Variants in CADM1 observed in about 807,000 individuals in gnomAD.
CADM1 encodes cell adhesion molecule 1, also known as TSLC-1.
CADM1 carries 15 observed loss-of-function variants against 53.1 expected under a neutral mutation model. That is an observed-to-expected ratio of 0.28 (90% CI 0.19 to 0.44). CADM1 has a LOEUF of 0.44. Among genes scored for constraint, CADM1 ranks in the 20% least tolerant of loss-of-function variants. The probability of loss-of-function intolerance (pLI) is 1.00; values close to 1 mark genes in which losing one functional copy is unlikely to be tolerated. For missense variants in CADM1, 434 were observed against 611.3 expected, an observed-to-expected ratio of 0.71 and a Z score of 3.06; for synonymous variants, 281 against 243.0, an observed-to-expected ratio of 1.16 and a Z score of -1.45.
At chr11:115,449,800 T>C (rs1948531879) in intron 1 of CADM1, among the ~76,000 whole-genome samples, 1 of 152,198 alleles carries the variant, frequency 6.6e-6, no homozygotes, top group Non-Finnish European at 1.5e-5. Flanking sequence ...GTTCCAAACA[T>C]TCTAGAGAGT....
At chr11:115,240,059 T>C (rs1942168364) in intron 2 of CADM1, among the ~76,000 whole-genome samples, 1 of 152,174 alleles carries the variant, frequency 6.6e-6, no homozygotes. Flanking sequence ...CAATTTCTAT[T>C]GCAAAGTAAG....
chr11:115,253,701 G>A (rs1942682003), intron 1 of CADM1, among the ~76,000 whole-genome samples: 3 of 152,120 alleles, frequency 2.0e-5, no homozygotes, highest in Admixed American at 2.0e-4. Context: ...CATCACAGCG[G>A]AAAACTGACC....
chr11:115,385,865 T>C (rs546416092), intron 1 of CADM1, among the ~76,000 whole-genome samples: 49 of 152,328 alleles, frequency 3.2e-4, no homozygotes, highest in African/African-American at 1.1e-3. Flanking sequence ...GTATAAAAAA[T>C]AGAAGCAAAG....
chr11:115,179,003 T>A (rs1939182174), intron 10 of CADM1: 1 of 562,730 alleles, frequency 1.8e-6, no homozygotes, highest in Non-Finnish European at 3.3e-6. Flanking sequence ...ATAGGAGGGT[T>A]AATGCATGTG....
At chr11:115,355,021 T>C (rs2135072604) in intron 1 of CADM1, among the ~76,000 whole-genome samples, 1 of 152,272 alleles carries the variant, frequency 6.6e-6, no homozygotes, top group African/African-American at 2.4e-5. Flanking sequence ...CTCTACATCT[T>C]GTAGAAGCTT....
At chr11:115,319,630 A>G (rs1944768794) in intron 1 of CADM1, among the ~76,000 whole-genome samples, 2 of 152,210 alleles carry the variant, frequency 1.3e-5, no homozygotes, top group Admixed American at 1.3e-4. Flanking sequence ...TCACGTAGTC[A>G]GAAACTGAAG....
chr11:115,425,914 G>A (rs557312840), intron 1 of CADM1, among the ~76,000 whole-genome samples: 47 of 152,262 alleles, frequency 3.1e-4, no homozygotes, highest in African/African-American at 1.1e-3. Context: ...TTCACCTGTG[G>A]GCTTCAAACA....
intron 1 of CADM1, among the ~76,000 whole-genome samples, chr11:115,277,639 T>C (rs890085111): frequency 6.6e-6 from 1 of 152,222 alleles, no homozygotes; most frequent in East Asian, 1.9e-4. Context: ...TTGGTTCACA[T>C]GAAGAAGGCT....
intron 1 of CADM1, among the ~76,000 whole-genome samples, chr11:115,368,831 T>C (rs1022938690): frequency 1.4e-4 from 22 of 152,026 alleles, no homozygotes; most frequent in African/African-American, 4.6e-4. Flanking sequence ...TCCAACATGA[T>C]AGCCACTAGC....
At chr11:115,244,068 T>A (rs1382556602) in intron 1 of CADM1, among the ~76,000 whole-genome samples, 1 of 152,212 alleles carries the variant, frequency 6.6e-6, no homozygotes, top group African/African-American at 2.4e-5. Flanking sequence ...AACTCCCCGA[T>A]TTGCCAGACG....
At chr11:115,187,224 A>G (rs907847729) in intron 10 of CADM1, among the ~76,000 whole-genome samples, 1 of 152,130 alleles carries the variant, frequency 6.6e-6, no homozygotes, top group Non-Finnish European at 1.5e-5. Flanking sequence ...TGTTTGCCAA[A>G]TCTGGGCCAC....
intron 1 of CADM1, among the ~76,000 whole-genome samples, chr11:115,412,367 T>A (rs868759602): frequency 6.6e-6 from 1 of 152,104 alleles, no homozygotes; most frequent in East Asian, 1.9e-4. Context: ...GCTAATTTTT[T>A]AAAATTTTTT....
chr11:115,258,280 G>A (rs1942859200), intron 1 of CADM1, among the ~76,000 whole-genome samples: 1 of 152,104 alleles, frequency 6.6e-6, no homozygotes, highest in Non-Finnish European at 1.5e-5. Flanking sequence ...TGATCTGCCA[G>A]CTGTGTTGTG....
chr11:115,389,267 T>C (rs1946775244), intron 1 of CADM1, among the ~76,000 whole-genome samples: 1 of 152,144 alleles, frequency 6.6e-6, no homozygotes, highest in Non-Finnish European at 1.5e-5. Context: ...TTCAGTAAGT[T>C]TGAAACGATT....
At chr11:115,392,037 C>T (rs1240291719) in intron 1 of CADM1, among the ~76,000 whole-genome samples, 1 of 152,134 alleles carries the variant, frequency 6.6e-6, no homozygotes, top group Non-Finnish European at 1.5e-5. Flanking sequence ...AGAAAAACAA[C>T]AAGTCGTTTC....
At chr11:115,318,141 A>G (rs17118245) in intron 1 of CADM1, among the ~76,000 whole-genome samples, 19,739 of 152,092 alleles carry the variant, frequency 0.13, 1,386 homozygotes, top group Middle Eastern at 0.17. Context: ...ATGAGTCTCT[A>G]TATCTAAACC....
At chr11:115,457,127 T>C (rs1948699219) in intron 1 of CADM1, among the ~76,000 whole-genome samples, 1 of 152,146 alleles carries the variant, frequency 6.6e-6, no homozygotes, top group Non-Finnish European at 1.5e-5. Context: ...TCCACAACCC[T>C]AAGAGGTGGC....
At chr11:115,424,324 TTTTCTTCATC>T (rs1326205595) in intron 1 of CADM1, among the ~76,000 whole-genome samples, 1 of 152,168 alleles carries the variant, frequency 6.6e-6, no homozygotes, top group African/African-American at 2.4e-5. Flanking sequence ...GTACTTGAAC[TTTTCTTCATC>T]TCTAGGATAA....
intron 1 of CADM1, among the ~76,000 whole-genome samples, chr11:115,319,492 A>G (rs1454616499): frequency 6.6e-6 from 1 of 152,200 alleles, no homozygotes; most frequent in East Asian, 1.9e-4. Flanking sequence ...AAAAAACATT[A>G]TTTAAATCAC....
Sources: allele counts gnomAD v4.1 joint callset (sites outside exome capture counted in the v4.1 genomes callset), GRCh38; gene constraint gnomAD v4.1.1; transcripts MANE v1.5; gene names NCBI Gene and HGNC (gene_info 2026-07-23, HGNC 2026-07-21).